Variants in FSIP1 observed in about 807,000 individuals in gnomAD.
The protein encoded by FSIP1 is fibrous sheath interacting protein 1, also known as fibrous sheath-interacting protein 1.
A neutral mutation model predicts 60.9 loss-of-function variants in FSIP1; 65 were observed. That is an observed-to-expected ratio of 1.07 (90% CI 0.87 to 1.31). The LOEUF is 1.31. Among genes scored for constraint, FSIP1 ranks in the 40% most tolerant of loss-of-function variants. The probability of loss-of-function intolerance (pLI) is 0.00; values close to 1 mark genes in which losing one functional copy is unlikely to be tolerated. For missense variants in FSIP1, 675 were observed against 665.5 expected (o/e 1.01, Z -0.16); for synonymous variants, 209 against 221.2 (o/e 0.94, Z 0.49).
chr15:39,754,122 T>A (rs1897239477), intron 5 of FSIP1, among the ~76,000 whole-genome samples: 2 of 152,042 alleles, frequency 1.3e-5, no homozygotes, highest in African/African-American at 4.8e-5. Context: ...TCAGCTACCA[T>A]GTTGTGAGGA....
intron 11 of FSIP1, among the ~76,000 whole-genome samples, chr15:39,604,167 G>A (rs1467295289): frequency 6.6e-6 from 1 of 152,212 alleles, no homozygotes; most frequent in Admixed American, 6.5e-5. Flanking sequence ...CCAACCTCTG[G>A]TGATCTGCCC....
intron 9 of FSIP1, among the ~76,000 whole-genome samples, chr15:39,720,301 C>T (rs56916119): frequency 0.12 from 18,107 of 152,202 alleles, 1,319 homozygotes; most frequent in African/African-American, 0.2. Flanking sequence ...GAGATCAATA[C>T]AAACTACAAT....
At chr15:39,759,803 T>C (rs1244651922) in intron 5 of FSIP1, among the ~76,000 whole-genome samples, 1 of 152,200 alleles carries the variant, frequency 6.6e-6, no homozygotes, top group African/African-American at 2.4e-5. Context: ...CCTCCGTCTT[T>C]GCAGCACCTT....
chr15:39,616,900 G>C (rs1891249781), intron 11 of FSIP1, among the ~76,000 whole-genome samples: 1 of 152,164 alleles, frequency 6.6e-6, no homozygotes, highest in Admixed American at 6.5e-5. Flanking sequence ...ATGGGCATGA[G>C]AGACACCGCA....
intron 10 of FSIP1, among the ~76,000 whole-genome samples, chr15:39,627,397 T>G (rs2140396471): frequency 6.6e-6 from 1 of 152,086 alleles, no homozygotes; most frequent in East Asian, 1.9e-4. Context: ...GAGGTGTGAG[T>G]TGCTAATAAG....
chr15:39,724,328 T>C (rs549734778), intron 9 of FSIP1, among the ~76,000 whole-genome samples: 1 of 151,960 alleles, frequency 6.6e-6, no homozygotes, highest in Admixed American at 6.6e-5. Flanking sequence ...CTTGGCTCAC[T>C]GCAAGCTCTG....
chr15:39,660,192 G>A (rs929315520), intron 10 of FSIP1, among the ~76,000 whole-genome samples: 2 of 152,154 alleles, frequency 1.3e-5, no homozygotes, highest in Non-Finnish European at 2.9e-5. Flanking sequence ...TTCAACCAGT[G>A]GATTAGCAGC....
intron 5 of FSIP1, among the ~76,000 whole-genome samples, chr15:39,749,782 T>C (rs1897111266): frequency 6.6e-6 from 1 of 151,924 alleles, no homozygotes; most frequent in Non-Finnish European, 1.5e-5. Context: ...ATCACTTCTA[T>C]TCAACACAGT....
At chr15:39,660,758 T>C (rs1893263718) in intron 10 of FSIP1, among the ~76,000 whole-genome samples, 1 of 152,224 alleles carries the variant, frequency 6.6e-6, no homozygotes, top group African/African-American at 2.4e-5. Context: ...AGTAGACACC[T>C]TAATCTTAAA....
At chr15:39,602,312 G>C (rs1388451162) in intron 11 of FSIP1, 1 of 456,256 alleles carries the variant, frequency 2.2e-6, no homozygotes. Context: ...GGAGAAGCTG[G>C]AAGAAGCATG....
chr15:39,677,853 G>A (rs2140480957), intron 10 of FSIP1, among the ~76,000 whole-genome samples: 1 of 152,182 alleles, frequency 6.6e-6, no homozygotes, highest in Admixed American at 6.5e-5. Context: ...AAAATTGGCT[G>A]GGTGTGGTGG....
intron 10 of FSIP1, among the ~76,000 whole-genome samples, chr15:39,678,320 G>A (rs557692192): frequency 8.6e-5 from 13 of 151,868 alleles, no homozygotes; most frequent in East Asian, 1.9e-4. Context: ...GAAACTATCC[G>A]ACAACCACAA....
chr15:39,764,093 T>A (rs575619881), intron 4 of FSIP1, among the ~76,000 whole-genome samples, 179 bp from the exon 5 acceptor site: 2 of 152,266 alleles, frequency 1.3e-5, no homozygotes, highest in African/African-American at 4.8e-5. Context: ...TCAATGGGTA[T>A]TCCCAGATAG....
intron 7 of FSIP1, among the ~76,000 whole-genome samples, chr15:39,738,419 T>G (rs933899700): frequency 3.3e-5 from 5 of 152,168 alleles, no homozygotes; most frequent in African/African-American, 1.2e-4. Context: ...CAGGCCCTGC[T>G]GTTAACCACT....
At chr15:39,661,286 C>T (rs149146529) in intron 10 of FSIP1, among the ~76,000 whole-genome samples, 9 of 152,288 alleles carry the variant, frequency 5.9e-5, no homozygotes, top group South Asian at 2.1e-4. Flanking sequence ...CTTCTACTTA[C>T]GTCACATCCA....
intron 10 of FSIP1, among the ~76,000 whole-genome samples, chr15:39,650,065 G>C (rs994413564): frequency 2.6e-5 from 4 of 152,110 alleles, no homozygotes; most frequent in Non-Finnish European, 4.4e-5. Flanking sequence ...ATCAGCATTC[G>C]CAACCTGAAC....
chr15:39,691,663 C>T (rs2129458), intron 10 of FSIP1, among the ~76,000 whole-genome samples: 126,134 of 152,148 alleles, frequency 0.83, 52,815 homozygotes, highest in Non-Finnish European at 0.89. Context: ...CAGAAGGGGA[C>T]TGTTTGATGG....
At chr15:39,602,696 C>G (rs917806203) in intron 11 of FSIP1, among the ~76,000 whole-genome samples, 1 of 152,120 alleles carries the variant, frequency 6.6e-6, no homozygotes, top group African/African-American at 2.4e-5. Flanking sequence ...TCCACGCCTT[C>G]GTAAGTGCTA....
chr15:39,666,197 C>T (rs932916842), intron 10 of FSIP1, among the ~76,000 whole-genome samples: 1 of 152,060 alleles, frequency 6.6e-6, no homozygotes, highest in Non-Finnish European at 1.5e-5. Flanking sequence ...TAAGATAAAC[C>T]TTTGTGTGTG....
Sources: gnomAD v4.1 joint callset for allele counts (sites outside exome capture counted in the v4.1 genomes callset) on GRCh38, gnomAD v4.1.1 for gene constraint, MANE v1.5 for transcripts, NCBI Gene and HGNC (gene_info 2026-07-23, HGNC 2026-07-21) for gene names.